LRRC3B: variants seen among roughly 807,000 people sequenced by gnomAD.
The protein encoded by LRRC3B is leucine rich repeat containing 3B.
Under a neutral mutation model 12.8 loss-of-function variants are expected in LRRC3B, and 2 were observed. The ratio of observed to expected loss-of-function variants is 0.16; its 90% CI spans 0.06 to 0.49. LRRC3B has a LOEUF of 0.49. Among genes scored for constraint, LRRC3B ranks in the 20% least tolerant of loss-of-function variants. The probability of loss-of-function intolerance (pLI) is 0.96; values close to 1 mark genes in which losing one functional copy is unlikely to be tolerated. For synonymous variants in LRRC3B, 132 were observed against 122.0 expected (o/e 1.08, Z -0.54); for missense variants, 189 against 319.4 (o/e 0.59, Z 3.11).
intron 1 of LRRC3B, among the ~76,000 whole-genome samples, chr3:26,658,846 A>G (rs575034970): frequency 6.6e-6 from 1 of 152,386 alleles, no homozygotes; most frequent in African/African-American, 2.4e-5. Context: ...ATAATAGATC[A>G]TACTGCATTT....
At chr3:26,679,782 G>T (rs921549485) in intron 1 of LRRC3B, among the ~76,000 whole-genome samples, 1 of 152,178 alleles carries the variant, frequency 6.6e-6, no homozygotes, top group African/African-American at 2.4e-5. Context: ...TGTGTTCTCT[G>T]CTGTAGGCTC....
chr3:26,652,277 G>A (rs1699280209), intron 1 of LRRC3B, among the ~76,000 whole-genome samples: 2 of 152,226 alleles, frequency 1.3e-5, no homozygotes, highest in South Asian at 4.1e-4. Context: ...AGACTGGGAG[G>A]GAAGGACAGC....
At chr3:26,690,996 C>A (rs1056413663) in intron 1 of LRRC3B, among the ~76,000 whole-genome samples, 2 of 149,550 alleles carry the variant, frequency 1.3e-5, no homozygotes, top group African/African-American at 2.5e-5. Flanking sequence ...CTTTAGGGAA[C>A]AAGGACTTAA....
intron 1 of LRRC3B, among the ~76,000 whole-genome samples, chr3:26,683,093 G>A (rs913925783): frequency 6.6e-6 from 1 of 152,050 alleles, no homozygotes; most frequent in Non-Finnish European, 1.5e-5. Flanking sequence ...GGACTTCTAG[G>A]GCACCATTTG....
intron 1 of LRRC3B, among the ~76,000 whole-genome samples, chr3:26,688,141 C>A (rs9847834): frequency 0.33 from 50,514 of 152,022 alleles, 11,465 homozygotes; most frequent in African/African-American, 0.63. Flanking sequence ...AAAGATATAT[C>A]CAGATGTGAA....
chr3:26,679,232 C>T (rs1313366726), intron 1 of LRRC3B, among the ~76,000 whole-genome samples: 1 of 152,190 alleles, frequency 6.6e-6, no homozygotes, highest in East Asian at 1.9e-4. Context: ...GTGACCGCAA[C>T]AGCCAGAGTG....
At chr3:26,673,735 C>T (rs1699800760) in intron 1 of LRRC3B, among the ~76,000 whole-genome samples, 1 of 152,150 alleles carries the variant, frequency 6.6e-6, no homozygotes, top group South Asian at 2.1e-4. Flanking sequence ...TATCTCCATC[C>T]TTACCTCCAC....
In LRRC3B at chr3:26,676,016, C is replaced by T. The variant is rs554402813; in HGVS notation, c.-160-33497C>T. On this transcript the variant is annotated intron_variant, in intron 1 of 1. Coordinates refer to ENST00000396641, the Ensembl canonical transcript of LRRC3B. ...CCAATCTTTATTTTCATGACATTAA[C>T]GTTTTTGAAGAGTGTTGGCCAGTTA... is the stretch of plus-strand genomic sequence containing the variant. 1.3e-4 allele frequency among the ~76,000 whole-genome samples: 19 copies of T among 150,000 alleles called. No individual in the cohort carries two copies. In the East Asian group the frequency reaches 2.3e-3, roughly 19 times the overall value.
At chr3:26,668,281 G>T (rs576813169) in intron 1 of LRRC3B, among the ~76,000 whole-genome samples, 4 of 152,120 alleles carry the variant, frequency 2.6e-5, no homozygotes, top group African/African-American at 9.7e-5. Flanking sequence ...ATGAGGGGCC[G>T]TTAACAGAGC....
At chr3:26,709,829 G>A in exon 2 of LRRC3B, 1 of 1,614,124 alleles carries the variant, frequency 6.2e-7, no homozygotes, top group Middle Eastern at 1.6e-4. Flanking sequence ...CTGTAGCAAT[G>A]CAAATCTCAA....
intron 1 of LRRC3B, among the ~76,000 whole-genome samples, chr3:26,628,699 C>T (rs1437879450): frequency 1.3e-5 from 2 of 151,802 alleles, no homozygotes; most frequent in Non-Finnish European, 1.5e-5. Context: ...ATGATAATGA[C>T]ATATGAAATG....
chr3:26,704,806 C>A (rs888176577), intron 1 of LRRC3B, among the ~76,000 whole-genome samples: 1 of 152,036 alleles, frequency 6.6e-6, no homozygotes, highest in African/African-American at 2.4e-5. Context: ...TTGCTTATGA[C>A]CTTAACTTTT....
chr3:26,658,684 G>A (rs1699428881), intron 1 of LRRC3B, among the ~76,000 whole-genome samples: 1 of 152,196 alleles, frequency 6.6e-6, no homozygotes, highest in Non-Finnish European at 1.5e-5. Context: ...GAAAATTGAT[G>A]AAAAAATTGC....
chr3:26,685,519 CTCTCTATATATATATATA>C (rs1223463924), intron 1 of LRRC3B, among the ~76,000 whole-genome samples: 2,483 of 47,600 alleles, frequency 0.052, 32 homozygotes, highest in Middle Eastern at 0.078. Context: ...CTCTCTCTCT[CTCTCTATATATATATATA>C]TATATATATA....
intron 1 of LRRC3B, among the ~76,000 whole-genome samples, chr3:26,674,359 G>T (rs1251574161): frequency 6.6e-6 from 1 of 151,826 alleles, no homozygotes; most frequent in Non-Finnish European, 1.5e-5. Flanking sequence ...GAAACTAAAT[G>T]GACTAAAAAA....
intron 1 of LRRC3B, chr3:26,623,724 G>C (rs1487013280): frequency 6.6e-6 from 1 of 152,376 alleles, no homozygotes; most frequent in Non-Finnish European, 1.5e-5. Context: ...GGGACATGGA[G>C]GATGGCTGCG....
intron 1 of LRRC3B, among the ~76,000 whole-genome samples, chr3:26,664,847 G>A (rs974670950): frequency 6.6e-6 from 1 of 151,950 alleles, no homozygotes; most frequent in Non-Finnish European, 1.5e-5. Context: ...GACTCCCCAC[G>A]TGTCAGTGGG....
At chr3:26,666,919 G>A (rs1699616445) in intron 1 of LRRC3B, among the ~76,000 whole-genome samples, 1 of 152,088 alleles carries the variant, frequency 6.6e-6, no homozygotes, top group South Asian at 2.1e-4. Context: ...ATAGAAATGT[G>A]TCAACTACAA....
intron 1 of LRRC3B, among the ~76,000 whole-genome samples, chr3:26,681,624 A>T (rs748387451): frequency 4.6e-5 from 7 of 152,222 alleles, no homozygotes; most frequent in Non-Finnish European, 8.8e-5. Context: ...ATAGGATAAC[A>T]TGAAGTGTAT....
Sources: gnomAD v4.1 joint callset for allele counts (sites outside exome capture counted in the v4.1 genomes callset) on GRCh38, gnomAD v4.1.1 for gene constraint, MANE v1.5 for transcripts, NCBI Gene and HGNC (gene_info 2026-07-23, HGNC 2026-07-21) for gene names.